AP1G1: variants seen among roughly 807,000 people sequenced by gnomAD.
AP1G1 encodes AP-1 complex subunit gamma-1.
A neutral mutation model predicts 108.3 loss-of-function variants in AP1G1; 7 were observed. The ratio of observed to expected loss-of-function variants is 0.06; its 90% CI spans 0.04 to 0.12. The LOEUF (loss-of-function observed/expected upper bound fraction) is 0.12, where lower values mean the gene tolerates loss of function less well. AP1G1 is among the 10% of genes least tolerant of loss of function. The probability of loss-of-function intolerance (pLI) is 1.00; values close to 1 mark genes in which losing one functional copy is unlikely to be tolerated. For synonymous variants in AP1G1, 379 were observed against 353.5 expected (o/e 1.07, Z -0.81); for missense variants, 756 against 1,010.7 (o/e 0.75, Z 3.42).
At chr16:71,795,269 G>C (rs1403423604) in intron 1 of AP1G1, among the ~76,000 whole-genome samples, 1 of 152,112 alleles carries the variant, frequency 6.6e-6, no homozygotes, top group East Asian at 1.9e-4. Context: ...CAAGTTATTT[G>C]AGCTCTAAAT....
chr16:71,736,117 A>AAAAAAAAAAAAATATATATAT (rs1555550846), intron 21 of AP1G1, among the ~76,000 whole-genome samples: 1 of 71,622 alleles, frequency 1.4e-5, no homozygotes, highest in African/African-American at 6.2e-5. Flanking sequence ...AAAAAAAAAA[A>AAAAAAAAAAAAATATATATAT]ATATATATAT....
At chr16:71,808,635 C>G (rs1297012867) in intron 1 of AP1G1, 128 bp downstream of exon 1, 8 of 1,289,534 alleles carry the variant, frequency 6.2e-6, no homozygotes, top group Non-Finnish European at 8.1e-6. Flanking sequence ...GCTTCTCTGT[C>G]TTCTCTTCTC....
intron 16 of AP1G1, 36 bp from the exon 17 acceptor site, chr16:71,746,728 A>G (rs529950357): frequency 1.3e-6 from 2 of 1,497,260 alleles, no homozygotes; most frequent in Non-Finnish European, 1.8e-6. Flanking sequence ...AAAATACCCA[A>G]AAGAAAATTC....
chr16:71,775,053 T>A (rs978099335), intron 2 of AP1G1, among the ~76,000 whole-genome samples: 8 of 140,046 alleles, frequency 5.7e-5, no homozygotes, highest in Non-Finnish European at 1.2e-4. Flanking sequence ...GAGATGGGGT[T>A]TTTGCTCTTG....
intron 11 of AP1G1, among the ~76,000 whole-genome samples, chr16:71,756,589 C>G (rs974531329): frequency 3.9e-5 from 6 of 152,178 alleles, no homozygotes; most frequent in African/African-American, 1.4e-4. Context: ...ACACCCCACT[C>G]TGTCCAAACA....
chr16:71,746,983 T>G (rs112196637), intron 16 of AP1G1: 2 of 192,006 alleles, frequency 1.0e-5, no homozygotes, highest in African/African-American at 4.7e-5. Flanking sequence ...TCCCTAAACT[T>G]TGCTAGACAA....
chr16:71,762,350 A>G (rs140546934), intron 9 of AP1G1, among the ~76,000 whole-genome samples: 451 of 152,284 alleles, frequency 3.0e-3, no homozygotes, highest in Admixed American at 8.6e-3. Flanking sequence ...CCTGGCATAC[A>G]ACTCCTAAAT....
intron 2 of AP1G1, among the ~76,000 whole-genome samples, chr16:71,781,554 T>C (rs773370543): frequency 1.1e-4 from 17 of 152,162 alleles, no homozygotes; most frequent in Non-Finnish European, 2.2e-4. Context: ...ATATTCTTAC[T>C]ACACATGGAG....
chr16:71,743,432 T>A (rs2029976600), intron 19 of AP1G1: 1 of 151,998 alleles, frequency 6.6e-6, no homozygotes, highest in South Asian at 2.1e-4. Flanking sequence ...CAAAACCCCG[T>A]CTCTACTAAA....
intron 10 of AP1G1, among the ~76,000 whole-genome samples, chr16:71,759,179 C>A (rs1192982308): frequency 5.9e-5 from 9 of 152,142 alleles, no homozygotes; most frequent in Admixed American, 5.9e-4. Context: ...TAAAAGTAGG[C>A]CGGGCATGGT....
intron 16 of AP1G1, among the ~76,000 whole-genome samples, chr16:71,748,027 C>T (rs909504143): frequency 6.6e-6 from 1 of 152,148 alleles, no homozygotes; most frequent in Non-Finnish European, 1.5e-5. Context: ...TCAAAATAAT[C>T]CACAAGGGAG....
intron 10 of AP1G1, among the ~76,000 whole-genome samples, chr16:71,759,873 T>C (rs1328350904): frequency 1.3e-5 from 2 of 152,094 alleles, no homozygotes; most frequent in Admixed American, 1.3e-4. Context: ...GAGCATATAA[T>C]ATGTCTTTTA....
chr16:71,784,468 T>C (rs1307589871), intron 2 of AP1G1, among the ~76,000 whole-genome samples: 1 of 152,224 alleles, frequency 6.6e-6, no homozygotes, highest in Non-Finnish European at 1.5e-5. Context: ...TTCCAACTCT[T>C]AATTTCTACT....
chr16:71,750,018 T>C, intron 14 of AP1G1, 35 bp from the exon 15 acceptor site: 1 of 1,573,618 alleles, frequency 6.4e-7, no homozygotes, highest in Non-Finnish European at 8.7e-7. Context: ...CTCAAGAACT[T>C]CAATTTTTCC....
chr16:71,777,055 A>G (rs1191720468), intron 2 of AP1G1, among the ~76,000 whole-genome samples: 4 of 133,424 alleles, frequency 3.0e-5, no homozygotes, highest in African/African-American at 1.1e-4. Context: ...GGTTGCAGTG[A>G]GCTGAGATCG....
In AP1G1 at chr16:71,789,388, C is replaced by T; in HGVS notation, c.92G>A (p.Cys31Tyr). Residue 31 changes from cysteine (C) to tyrosine (Y), a missense_variant, in exon 2 of 23, where the codon TGT becomes TAT. Cys to Tyr is a radical substitution (Grantham distance 194, BLOSUM62 -2). Coordinates refer to ENST00000299980, the MANE Select transcript of AP1G1 (RefSeq NM_001128.6). ...AEEREMIQKE[C>Y]AAIRSSFREE... ...TCTAAAAGATGACCGGATTGCAGCA[C>T]ATTCTTTCTGGATCATTTCTCGTTC... The T allele has an allele frequency of 6.2e-7, 1 of 1,614,206 alleles. No individual in the cohort carries two copies. Among genetic ancestry groups the T allele is most frequent in the Non-Finnish European group, 8.5e-7 (1 of 1,180,038 alleles).
intron 12 of AP1G1, among the ~76,000 whole-genome samples, chr16:71,754,140 G>A (rs1462466664): frequency 6.6e-6 from 1 of 152,034 alleles, no homozygotes; most frequent in Non-Finnish European, 1.5e-5. Context: ...CTGGGAGGTT[G>A]AGGTAGGAGG....
intron 2 of AP1G1, among the ~76,000 whole-genome samples, chr16:71,779,745 G>A (rs2031932713): frequency 6.6e-6 from 1 of 152,072 alleles, no homozygotes; most frequent in African/African-American, 2.4e-5. Flanking sequence ...AAGTACAAAT[G>A]TTGCCATTTA....
rs531131456 is a variant in AP1G1, at chr16:71,744,280, T to C, written c.1999+864A>G. Among the ~76,000 whole-genome samples the C allele has an allele frequency of 3.3e-5, 5 of 152,276 alleles. No individual in the cohort carries two copies. In the South Asian group the frequency reaches 1.0e-3, roughly 32 times the overall value. ...AAAAGTTGTATTGGACTCGGGTTTA[T>C]CATATTGCTGAACATGTCAATTACA... On this transcript the variant is annotated intron_variant, in intron 19 of 22. Transcript: ENST00000299980.
Sources: gnomAD v4.1 joint callset for allele counts (sites outside exome capture counted in the v4.1 genomes callset) on GRCh38, gnomAD v4.1.1 for gene constraint, MANE v1.5 for transcripts, NCBI Gene and HGNC (gene_info 2026-07-23, HGNC 2026-07-21) for gene names.